Variants in DUSP16 observed in about 807,000 individuals in gnomAD.
The protein encoded by DUSP16 is dual specificity protein phosphatase 16.
Under a neutral mutation model 58.3 loss-of-function variants are expected in DUSP16, and 21 were observed. That is an observed-to-expected ratio of 0.36 (90% confidence interval 0.26 to 0.52). DUSP16 has a LOEUF of 0.52. Among genes scored for constraint, DUSP16 ranks in the 20% least tolerant of loss-of-function variants. DUSP16 has a pLI of 0.94. For synonymous variants in DUSP16, 320 were observed against 323.8 expected, an observed-to-expected ratio of 0.99 and a Z score of 0.12; for missense variants, 726 against 819.0, an observed-to-expected ratio of 0.89 and a Z score of 1.39.
Position 12,477,688 on chromosome 12 carries a change from A to G in DUSP16, c.1143T>C (p.Ser381=). 1 of 1,613,594 alleles carries G rather than the reference A, an allele frequency of 6.2e-7. No individual in the cohort carries two copies. Among genetic ancestry groups the G allele is most frequent in the South Asian group, 1.1e-5 (1 of 91,064 alleles). Residue 381 remains serine (S), a synonymous_variant, in exon 7 of 7, where the codon AGT becomes AGC. Coordinates refer to ENST00000298573, the MANE Select transcript of DUSP16 (RefSeq NM_030640.3). The surrounding 1 kb of genome is among the most constrained non-coding windows in gnomAD (Gnocchi z 4.1). ...GCCTGTCTGCGGACAGGTGCAGCCC[A>G]CTGAGCGCCTGTACCAGCGGGCTGT... ...LEDSPLVQAL[S]GLHLSADRLE... is the part of the protein sequence containing the mutation.
At chr12:12,554,196 C>CAAAAAAAAAAAAAAAAA in intron 1 of DUSP16, among the ~76,000 whole-genome samples, 1 of 66,160 alleles carries the variant, frequency 1.5e-5, no homozygotes, top group Non-Finnish European at 3.0e-5. Flanking sequence ...AACTGGGTCT[C>CAAAAAAAAAAAAAAAAA]AAAAAAAAAA....
At chr12:12,487,634 C>T (rs901664752) in intron 4 of DUSP16, among the ~76,000 whole-genome samples, 1 of 152,294 alleles carries the variant, frequency 6.6e-6, no homozygotes, top group Middle Eastern at 3.4e-3. Flanking sequence ...CTTCTGTAGT[C>T]TTAATTACCA....
intron 1 of DUSP16, among the ~76,000 whole-genome samples, chr12:12,533,531 G>A (rs763139893): frequency 1.1e-4 from 17 of 152,144 alleles, no homozygotes; most frequent in Non-Finnish European, 2.2e-4. Flanking sequence ...GTAGCTGCAG[G>A]CCCCTTGCTC....
intron 1 of DUSP16, among the ~76,000 whole-genome samples, chr12:12,541,881 G>T (rs1378547525): frequency 6.6e-6 from 1 of 151,812 alleles, no homozygotes; most frequent in Non-Finnish European, 1.5e-5. Flanking sequence ...GTTCACAGCA[G>T]ATTTATAAAC....
intron 4 of DUSP16, among the ~76,000 whole-genome samples, chr12:12,488,418 A>G (rs779167445): frequency 3.3e-5 from 5 of 152,216 alleles, no homozygotes; most frequent in South Asian, 2.1e-4. Flanking sequence ...TAATGAAGTA[A>G]TGAGTAAGAT....
At chr12:12,519,578 CA>C (rs61309198) in intron 3 of DUSP16, among the ~76,000 whole-genome samples, 8,725 of 152,264 alleles carry the variant, frequency 0.057, 297 homozygotes, top group Middle Eastern at 0.092. Flanking sequence ...CAGACAGAAG[CA>C]GCTGGCTTTG....
intron 5 of DUSP16, among the ~76,000 whole-genome samples, chr12:12,486,667 A>AAT (rs1943689763): frequency 2.6e-5 from 4 of 152,214 alleles, no homozygotes; most frequent in Admixed American, 2.6e-4. Context: ...GGCAACAGGG[A>AAT]ATATTACCAA....
chr12:12,562,845 TCCAGAGTCC>T lies in DUSP16; in HGVS notation c.-1103_-1095del, dbSNP rs1944928342. 2.0e-5 allele frequency among the ~76,000 whole-genome samples: 3 copies of T among 151,642 alleles called. No individual in the cohort carries two copies. Among genetic ancestry groups the T allele is most frequent in the Non-Finnish European group, 4.4e-5 (3 of 67,824 alleles). ...GGGGAGGGGTCAGGTCATGTTCCCT[TCCAGAGTCC>T]GGCGACTCTGAGGCAGGTTCCGCGG... On this transcript the variant is annotated 5_prime_UTR_variant, in exon 1 of 7. Transcript: ENST00000298573.
At position 12,555,326 on chromosome 12, in the gene DUSP16, G is replaced by C. The variant is rs557560758; in HGVS notation, c.-366+6791C>G. On this transcript the variant is annotated intron_variant, in intron 1 of 6. Coordinates refer to ENST00000298573, the MANE Select transcript of DUSP16 (RefSeq NM_030640.3). ...ACTATAAGTCAACCCCTTGCAAACT[G>C]CAACTCAAAGCTCAAAACACAGTGC... 3.3e-5 allele frequency among the ~76,000 whole-genome samples: 5 copies of C among 152,320 alleles called. No homozygotes were observed. In the East Asian group the frequency reaches 5.8e-4, roughly 18 times the overall value.
At chr12:12,501,156 C>CT (rs1943903834) in intron 3 of DUSP16, among the ~76,000 whole-genome samples, 1 of 152,168 alleles carries the variant, frequency 6.6e-6, no homozygotes, top group Non-Finnish European at 1.5e-5. Flanking sequence ...TTTAAATCTT[C>CT]TTACCATACA....
chr12:12,514,507 T>C (rs1311699970), intron 3 of DUSP16, among the ~76,000 whole-genome samples: 1 of 152,212 alleles, frequency 6.6e-6, no homozygotes, highest in Non-Finnish European at 1.5e-5. Context: ...ACGAAAGATA[T>C]TACCAACCCT....
At chr12:12,534,631 C>G (rs1284463152) in intron 1 of DUSP16, among the ~76,000 whole-genome samples, 1 of 152,206 alleles carries the variant, frequency 6.6e-6, no homozygotes, top group Non-Finnish European at 1.5e-5. Flanking sequence ...CAAGCCTCTT[C>G]CTGTCTGATG....
At chr12:12,540,944 C>CTTTTTTTT (rs1199026965) in intron 1 of DUSP16, among the ~76,000 whole-genome samples, 18 of 100,682 alleles carry the variant, frequency 1.8e-4, no homozygotes, top group African/African-American at 6.1e-4. Context: ...CTTTTCTTTT[C>CTTTTTTTT]TTTTCTTTTT....
intron 4 of DUSP16, among the ~76,000 whole-genome samples, chr12:12,499,408 G>A (rs866207182): frequency 1.3e-5 from 2 of 152,086 alleles, no homozygotes; most frequent in Admixed American, 6.6e-5. Flanking sequence ...ATCTCAAATC[G>A]GCAGATCTCA....
chr12:12,537,358 AATGCTACAAGGTAAAAGACATTC>A (rs1473703753), intron 1 of DUSP16, among the ~76,000 whole-genome samples: 1 of 152,238 alleles, frequency 6.6e-6, no homozygotes, highest in African/African-American at 2.4e-5. Flanking sequence ...CTATGACAGC[AATGCTACAAGGTAAAAGACATTC>A]ATATGTATTC....
chr12:12,486,966 G>A, intron 5 of DUSP16, 62 bp downstream of exon 5: 2 of 1,581,696 alleles, frequency 1.3e-6, no homozygotes, highest in South Asian at 2.2e-5. Flanking sequence ...GGGGGCTGAG[G>A]GGGTTCACCT....
At chr12:12,538,054 T>C (rs1944495799) in intron 1 of DUSP16, among the ~76,000 whole-genome samples, 1 of 152,178 alleles carries the variant, frequency 6.6e-6, no homozygotes, top group African/African-American at 2.4e-5. Context: ...TGGAGATTGA[T>C]TCGTGGGTCT....
intron 1 of DUSP16, among the ~76,000 whole-genome samples, chr12:12,542,820 A>G (rs1386959713): frequency 1.3e-5 from 2 of 152,116 alleles, no homozygotes; most frequent in African/African-American, 2.4e-5. Context: ...GTCCCCACTA[A>G]ATTCTTAAAT....
chr12:12,556,300 G>A (rs1944805010), intron 1 of DUSP16, among the ~76,000 whole-genome samples: 1 of 152,130 alleles, frequency 6.6e-6, no homozygotes, highest in Non-Finnish European at 1.5e-5. Flanking sequence ...GCTTGTGCCT[G>A]TAATCCTAGC....
Sources: allele counts gnomAD v4.1 joint callset (sites outside exome capture counted in the v4.1 genomes callset), GRCh38; gene constraint gnomAD v4.1.1; non-coding constraint Gnocchi (gnomAD v3.1); transcripts MANE v1.5; gene names NCBI Gene and HGNC (gene_info 2026-07-23, HGNC 2026-07-21).